WDR72: variants seen among roughly 807,000 people sequenced by gnomAD.
The protein encoded by WDR72 is WD repeat-containing protein 72.
A neutral mutation model predicts 124.2 loss-of-function variants in WDR72; 120 were observed. That is an observed-to-expected ratio of 0.97 (90% CI 0.83 to 1.12). The LOEUF (loss-of-function observed/expected upper bound fraction) is 1.12, where lower values mean the gene tolerates loss of function less well. WDR72 is among the 50% of genes most tolerant of loss of function. The pLI is 0.00. For missense variants in WDR72, 1,387 were observed against 1,278.8 expected (o/e 1.08, Z -1.29); for synonymous variants, 452 against 441.7 (o/e 1.02, Z -0.29).
intron 18 of WDR72, among the ~76,000 whole-genome samples, chr15:53,553,035 T>C (rs1002448924): frequency 1.3e-5 from 2 of 152,000 alleles, no homozygotes; most frequent in African/African-American, 4.8e-5. Context: ...AGAAATCTTA[T>C]GAAAAAAAGA....
In WDR72 at chr15:53,529,164, A is replaced by ATATATATATAT. The variant is rs59003623; in HGVS notation, c.3149-5843_3149-5842insATATATATATA. 2.8e-4 allele frequency among the ~76,000 whole-genome samples: 22 copies of ATATATATATAT among 78,154 alleles called. 1 individual carries two copies. In the South Asian group the frequency reaches 6.4e-3, roughly 23 times the overall value. The allele number at this position is 78,154 out of a possible 152,430, so 51.3% of individuals were successfully genotyped here. A position where few individuals can be genotyped will look rare whatever the true frequency, so the allele number is the denominator to read the frequency against. On this transcript the variant is annotated intron_variant, in intron 18 of 19. Coordinates refer to ENST00000360509, the MANE Select transcript of WDR72 (RefSeq NM_182758.4). ...TTAGCCCATATATATATATATATAT[A>ATATATATATAT]TTTTTTTTTTTTTTTTTAAAAGAAT...
chr15:53,627,274 C>A (rs958719213), intron 14 of WDR72, among the ~76,000 whole-genome samples: 5 of 152,168 alleles, frequency 3.3e-5, no homozygotes, highest in African/African-American at 4.8e-5. Flanking sequence ...TTACAATACA[C>A]CACAGTCACT....
chr15:53,619,589 G>C (rs1595798309), intron 14 of WDR72, among the ~76,000 whole-genome samples: 1 of 152,050 alleles, frequency 6.6e-6, no homozygotes, highest in African/African-American at 2.4e-5. Flanking sequence ...ATCTTGGTTG[G>C]CTTTCTCACT....
intron 1 of WDR72, among the ~76,000 whole-genome samples, chr15:53,757,109 A>G (rs1363469547): frequency 6.6e-6 from 1 of 152,176 alleles, no homozygotes; most frequent in Admixed American, 6.5e-5. Context: ...TGGGTCCCCA[A>G]AGTTGATTAG....
chr15:53,702,558 C>A (rs763446427), intron 11 of WDR72, among the ~76,000 whole-genome samples: 1 of 152,142 alleles, frequency 6.6e-6, no homozygotes, highest in African/African-American at 2.4e-5. Context: ...TGATGAAGCA[C>A]TACAGTTAGT....
At chr15:53,541,688 T>C (rs1457610658) in intron 18 of WDR72, among the ~76,000 whole-genome samples, 2 of 150,636 alleles carry the variant, frequency 1.3e-5, no homozygotes, top group Non-Finnish European at 3.0e-5. Flanking sequence ...GATGATCAAA[T>C]TACTCTGAGC....
At chr15:53,642,712 T>C (rs996877909) in intron 14 of WDR72, among the ~76,000 whole-genome samples, 1 of 152,114 alleles carries the variant, frequency 6.6e-6, no homozygotes, top group Admixed American at 6.6e-5. Flanking sequence ...CTCAAGTTAC[T>C]CTATATATTA....
In WDR72 at chr15:53,577,970, A is replaced by G. The variant is rs1258429821; in HGVS notation, c.3148+19109T>C. On this transcript the variant is annotated intron_variant, in intron 18 of 19. Coordinates refer to ENST00000360509, the MANE Select transcript of WDR72 (RefSeq NM_182758.4). The stretch of plus-strand genomic sequence containing the variant: ...TTTAAAAATGAAGAGAATTCTATCC[A>G]TATCATAGATTTCAGTGGGTATCTG... 2.6e-5 allele frequency among the ~76,000 whole-genome samples: 4 copies of G among 152,208 alleles called. No homozygotes were observed. In the East Asian group the frequency reaches 5.8e-4, roughly 22 times the overall value.
intron 1 of WDR72, among the ~76,000 whole-genome samples, chr15:53,758,218 C>T (rs1159646018): frequency 1.3e-5 from 2 of 152,108 alleles, no homozygotes; most frequent in Non-Finnish European, 2.9e-5. Flanking sequence ...CCAGGCTGGT[C>T]TGGAACTCCT....
chr15:53,727,052 C>A (rs1054149850), intron 2 of WDR72, among the ~76,000 whole-genome samples: 1 of 151,300 alleles, frequency 6.6e-6, no homozygotes, highest in Non-Finnish European at 1.5e-5. Flanking sequence ...TGGCTCATGC[C>A]TGTAATCCCA....
At chr15:53,601,775 A>G (rs2013056660) in intron 17 of WDR72, among the ~76,000 whole-genome samples, 1 of 152,202 alleles carries the variant, frequency 6.6e-6, no homozygotes, top group Admixed American at 6.5e-5. Flanking sequence ...AAAGGGTTCA[A>G]TTCAACAGGA....
At chr15:53,581,393 T>A (rs562864273) in intron 18 of WDR72, among the ~76,000 whole-genome samples, 30 of 152,258 alleles carry the variant, frequency 2.0e-4, no homozygotes, top group African/African-American at 6.7e-4. Context: ...TGTAAATTAT[T>A]GGAAAATTAA....
chr15:53,738,144 AC>A (rs1453138774), intron 1 of WDR72, among the ~76,000 whole-genome samples: 2 of 152,196 alleles, frequency 1.3e-5, no homozygotes, highest in African/African-American at 4.8e-5. Flanking sequence ...AAGTATGAAA[AC>A]GTTGTATAAT....
intron 18 of WDR72, among the ~76,000 whole-genome samples, chr15:53,588,574 C>T (rs141061315): frequency 6.6e-6 from 1 of 152,080 alleles, no homozygotes; most frequent in East Asian, 1.9e-4. Flanking sequence ...AGATGACTGA[C>T]ATTCTGATGG....
chr15:53,691,612 C>G (rs2016842660), intron 13 of WDR72, among the ~76,000 whole-genome samples: 1 of 41,962 alleles, frequency 2.4e-5, no homozygotes. Flanking sequence ...GACAGACAGA[C>G]AGACAGACAG....
rs1595860004 is a variant in WDR72, at chr15:53,701,197, T to C, written c.1569+937A>G. ...AACAAGGTAGATGCTCACAAACTTA[T>C]TAAAGCTCATTCTCTGTTAAATAAA... On this transcript the variant is annotated intron_variant, in intron 12 of 19. Transcript: ENST00000360509. Among the ~76,000 whole-genome samples the C allele has an allele frequency of 1.1e-4, 17 of 152,258 alleles. No homozygotes were observed. In the South Asian group the frequency reaches 2.1e-3, roughly 19 times the overall value.
Position 53,605,485 on chromosome 15 carries a change from TTAAAA to T in WDR72, c.2952+4023_2952+4027del, listed in dbSNP as rs1172148926. 5.3e-5 allele frequency among the ~76,000 whole-genome samples: 8 copies of T among 152,322 alleles called. No individual in the cohort carries two copies. The South Asian group carries it at 1.4e-3, about 28-fold the overall frequency. On this transcript the variant is annotated intron_variant, in intron 17 of 19. Transcript: ENST00000360509. Reference sequence around the variant, plus strand: ...CAAACCTGCACTTATACCCCTCAACTTAAAATAAAAGTTTTAAAAAAGTAAAATCA... The same window carrying T: ...CAAACCTGCACTTATACCCCTCAACTTAAAAGTTTTAAAAAAGTAAAATCA...
At chr15:53,717,707 A>G (rs1042289435) in intron 3 of WDR72, among the ~76,000 whole-genome samples, 5 of 152,168 alleles carry the variant, frequency 3.3e-5, no homozygotes, top group Non-Finnish European at 4.4e-5. Flanking sequence ...CAAATATCCT[A>G]CAATGCATAG....
chr15:53,529,166 T>TATATA (rs1566943841), intron 18 of WDR72, among the ~76,000 whole-genome samples: 2 of 48,766 alleles, frequency 4.1e-5, no homozygotes, highest in Admixed American at 2.3e-4. Flanking sequence ...ATATATATAT[T>TATATA]TTTTTTTTTT....
Sources: allele counts gnomAD v4.1 joint callset (sites outside exome capture counted in the v4.1 genomes callset), GRCh38; gene constraint gnomAD v4.1.1; transcripts MANE v1.5; gene names NCBI Gene and HGNC (gene_info 2026-07-23, HGNC 2026-07-21).